The following ELAPOR1 variants were observed in gnomAD, a reference collection of about 807,000 sequenced individuals.
ELAPOR1 encodes the protein endosome/lysosome-associated apoptosis and autophagy regulator 1.
In ELAPOR1, 77 loss-of-function variants were observed where a neutral mutation model predicts 119.7. That is an observed-to-expected ratio of 0.64 (90% confidence interval 0.54 to 0.78). The LOEUF (loss-of-function observed/expected upper bound fraction) is 0.78, where lower values mean the gene tolerates loss of function less well. Ranked by LOEUF, ELAPOR1 falls within the 30% of genes least tolerant of loss-of-function variation. ELAPOR1 has a pLI of 0.00. For synonymous variants in ELAPOR1, 481 were observed against 487.2 expected (o/e 0.99, Z 0.17); for missense variants, 1,115 against 1,270.4 (o/e 0.88, Z 1.86).
intron 3 of ELAPOR1, among the ~76,000 whole-genome samples, chr1:109,170,332 G>A (rs944906233): frequency 3.9e-5 from 6 of 152,012 alleles, no homozygotes; most frequent in African/African-American, 1.5e-4. Flanking sequence ...GTCGGGGAGT[G>A]TTCATTACAC....
At chr1:109,201,447 G>A (rs1654170289) in intron 21 of ELAPOR1, 1 of 441,066 alleles carries the variant, frequency 2.3e-6, no homozygotes, top group Admixed American at 2.4e-5. Context: ...ATGCAATACA[G>A]ACAATACTGT....
At chr1:109,177,715 C>T (rs567933575) in intron 7 of ELAPOR1, among the ~76,000 whole-genome samples, 5 of 152,150 alleles carry the variant, frequency 3.3e-5, no homozygotes, top group South Asian at 2.1e-4. Context: ...TGTTTTTCCA[C>T]TTGCATTTTT....
At chr1:109,129,870 A>C (rs1649039242) in intron 1 of ELAPOR1, among the ~76,000 whole-genome samples, 1 of 152,228 alleles carries the variant, frequency 6.6e-6, no homozygotes, top group South Asian at 2.1e-4. Context: ...AAGTATCACA[A>C]ACTGGGTGGT....
intron 7 of ELAPOR1, 89 bp from the exon 8 acceptor site, chr1:109,184,956 G>A: frequency 3.2e-6 from 3 of 932,730 alleles, no homozygotes; most frequent in Admixed American, 1.8e-5. Flanking sequence ...AATGCACCCA[G>A]GGACTTGGGA....
chr1:109,129,316 C>A (rs1346148878), intron 1 of ELAPOR1, among the ~76,000 whole-genome samples: 1 of 152,100 alleles, frequency 6.6e-6, no homozygotes, highest in Non-Finnish European at 1.5e-5. Flanking sequence ...TCGAGACCAG[C>A]CTGGCCAACA....
chr1:109,126,837 G>A (rs546195141), intron 1 of ELAPOR1, among the ~76,000 whole-genome samples: 1 of 152,298 alleles, frequency 6.6e-6, no homozygotes, highest in Non-Finnish European at 1.5e-5. Flanking sequence ...GGCTTGGACA[G>A]CTTTGGCTGT....
At chr1:109,137,120 T>G (rs143206665) in intron 1 of ELAPOR1, among the ~76,000 whole-genome samples, 299 of 152,354 alleles carry the variant, frequency 2.0e-3, no homozygotes, top group African/African-American at 6.7e-3. Flanking sequence ...CTGATGCTTT[T>G]ACTTAGAGTT....
At chr1:109,185,511 A>T (rs1326971744) in intron 8 of ELAPOR1, among the ~76,000 whole-genome samples, 1 of 152,170 alleles carries the variant, frequency 6.6e-6, no homozygotes, top group Non-Finnish European at 1.5e-5. Flanking sequence ...GTGGGCTGGC[A>T]CGGGGAATGG....
intron 7 of ELAPOR1, among the ~76,000 whole-genome samples, chr1:109,175,243 G>A (rs892469272): frequency 2.0e-5 from 3 of 151,178 alleles, no homozygotes; most frequent in South Asian, 2.1e-4. Context: ...TGCCCAAGCT[G>A]GAGTGCTCGA....
At chr1:109,161,864 A>G in intron 1 of ELAPOR1, 30 bp from the exon 2 acceptor site, 1 of 1,591,244 alleles carries the variant, frequency 6.3e-7, no homozygotes, top group Non-Finnish European at 8.6e-7. Context: ...CTGCTAATGC[A>G]CATTTCGCCC....
chr1:109,185,088 C>T lies in ELAPOR1; in HGVS notation c.996C>T (p.Asp332=), dbSNP rs139295335. ...GTAACGTGCGCCCAGCTTGCACAGACAAAGATTATTTCTACACACACACGG... is the reference window on the plus strand; with the variant it reads ...GTAACGTGCGCCCAGCTTGCACAGATAAAGATTATTTCTACACACACACGG... ...SSCNVRPACT[D]KDYFYTHTAC... is the part of the protein sequence containing the mutation. The change falls in exon 8 of 22, where the codon GAC becomes GAT. Residue 332 remains aspartate (D), a synonymous_variant. Coordinates refer to ENST00000369939, the MANE Select transcript of ELAPOR1 (RefSeq NM_020775.5). The T allele has an allele frequency of 5.0e-6, 8 of 1,614,156 alleles. No homozygotes were observed. In the African/African-American group the frequency reaches 1.1e-4, roughly 22 times the overall value.
intron 1 of ELAPOR1, among the ~76,000 whole-genome samples, chr1:109,142,575 T>A (rs960555530): frequency 2.0e-5 from 3 of 152,178 alleles, no homozygotes; most frequent in Admixed American, 6.5e-5. Context: ...ACTGTCCTGA[T>A]GGAAAGAGGA....
At chr1:109,197,389 T>TA (rs1427794656) in intron 15 of ELAPOR1, 85 bp from the exon 16 acceptor site, 3 of 1,186,782 alleles carry the variant, frequency 2.5e-6, no homozygotes, top group African/African-American at 1.5e-5. Flanking sequence ...AATTTAGATG[T>TA]AAAAAAGCCT....
chr1:109,124,036 C>G (rs1648617933), intron 1 of ELAPOR1, among the ~76,000 whole-genome samples: 1 of 152,094 alleles, frequency 6.6e-6, no homozygotes, highest in South Asian at 2.1e-4. Flanking sequence ...TTCCTGACCT[C>G]AGGTGATCTA....
At chr1:109,200,994 G>T in intron 21 of ELAPOR1, 94 bp downstream of exon 21, 1 of 1,227,426 alleles carries the variant, frequency 8.1e-7, no homozygotes, top group African/African-American at 1.5e-5. Context: ...GTTCAGGGAT[G>T]GGCACCCTGC....
intron 8 of ELAPOR1, among the ~76,000 whole-genome samples, chr1:109,185,907 G>A (rs557948882): frequency 2.0e-5 from 3 of 152,300 alleles, no homozygotes; most frequent in South Asian, 2.1e-4. Flanking sequence ...ATCGAGGAGC[G>A]ACTCTGTGCC....
intron 1 of ELAPOR1, among the ~76,000 whole-genome samples, chr1:109,152,166 G>A (rs914736210): frequency 6.6e-6 from 1 of 152,160 alleles, no homozygotes; most frequent in East Asian, 1.9e-4. Context: ...GAGCCACTGC[G>A]CCCCGCTGCT....
At chr1:109,183,210 A>C (rs1016429266) in intron 7 of ELAPOR1, among the ~76,000 whole-genome samples, 2 of 151,998 alleles carry the variant, frequency 1.3e-5, no homozygotes, top group Non-Finnish European at 2.9e-5. Flanking sequence ...GAGAGAGTCA[A>C]GCACAATGGC....
rs780649342 is a variant in ELAPOR1 at position 109,184,067 on chromosome 1, C to A, written c.953-978C>A. 4.3e-4 allele frequency among the ~76,000 whole-genome samples: 66 copies of A among 151,876 alleles called. No homozygotes were observed. In the Middle Eastern group the frequency reaches 0.027, roughly 63 times the overall value. ...ACAAGACTCTGTCTCTAAAAAATAA[C>A]AATAATAAAATAATAATAAAGAGGC... On this transcript the variant is annotated intron_variant, in intron 7 of 21. Coordinates refer to ENST00000369939, the MANE Select transcript of ELAPOR1 (RefSeq NM_020775.5).
Sources: gnomAD v4.1 joint callset for allele counts (sites outside exome capture counted in the v4.1 genomes callset) on GRCh38, gnomAD v4.1.1 for gene constraint, MANE v1.5 for transcripts, NCBI Gene and HGNC (gene_info 2026-07-23, HGNC 2026-07-21) for gene names.